MBNL3: variants seen among roughly 807,000 people sequenced by gnomAD.
MBNL3 encodes the protein muscleblind like splicing regulator 3, also known as muscleblind-like protein 3.
A neutral mutation model predicts 24.5 loss-of-function variants in MBNL3; 6 were observed. That is an observed-to-expected ratio of 0.25 (90% confidence interval 0.13 to 0.48). MBNL3 has a LOEUF of 0.48. MBNL3 is among the 20% of genes least tolerant of loss of function. The probability of loss-of-function intolerance (pLI) is 0.99; values close to 1 mark genes in which losing one functional copy is unlikely to be tolerated. For synonymous variants in MBNL3, 100 were observed against 101.7 expected (o/e 0.98, Z 0.10); for missense variants, 230 against 293.5 (o/e 0.78, Z 1.58).
intron 2 of MBNL3, among the ~76,000 whole-genome samples, chrX:132,407,891 CT>C (rs1323726296): frequency 1.8e-5 from 2 of 109,505 alleles, no homozygotes; most frequent in Non-Finnish European, 3.8e-5. Flanking sequence ...CTAGTTTATA[CT>C]TCTACTTCAG....
chrX:132,413,393 A>G, intron 2 of MBNL3: 1 of 817,053 alleles, frequency 1.2e-6, no homozygotes, highest in Admixed American at 3.0e-5. Context: ...ACAATATGTT[A>G]TCTGGCAGCC....
upstream of MBNL3, chrX:132,489,770 C>T (rs1336793291): frequency 4.6e-5 from 5 of 109,370 alleles, no homozygotes; most frequent in Non-Finnish European, 9.6e-5. Flanking sequence ...CCGCCCGGCC[C>T]CGCCCCGCCC....
intron 7 of MBNL3, among the ~76,000 whole-genome samples, chrX:132,383,364 G>A (rs908453935): frequency 1.8e-5 from 2 of 111,867 alleles, no homozygotes; most frequent in African/African-American, 6.5e-5. Context: ...TGTCTCATAT[G>A]CCAATTCTAA....
intron 3 of MBNL3, among the ~76,000 whole-genome samples, chrX:132,403,025 A>G (rs768178373): frequency 1.5e-4 from 17 of 112,087 alleles, no homozygotes; most frequent in African/African-American, 5.5e-4. Context: ...TTCTTAAACA[A>G]AAGTATGACT....
intron 1 of MBNL3, among the ~76,000 whole-genome samples, chrX:132,452,421 G>A (rs755212103): frequency 2.7e-5 from 3 of 111,843 alleles, no homozygotes; most frequent in Admixed American, 9.4e-5. Context: ...TTTAATATAC[G>A]TGGGGTGATT....
In MBNL3 at chrX:132,390,908, T is replaced by G; in HGVS notation, c.710A>C (p.His237Pro). The part of the protein sequence containing the change: ...EKCKYFHPPA[H>P]LQARLKAAHH... Reference sequence around the variant, plus strand: ...AGCTGCCTTGAGTCTGGCTTGCAAGTGTGCAGGAGGATGAAAGTACTTGCA... The same window carrying G: ...AGCTGCCTTGAGTCTGGCTTGCAAGGGTGCAGGAGGATGAAAGTACTTGCA... The change falls in exon 5 of 9, where the codon CAC becomes CCC. Residue 237 changes from histidine (H) to proline (P), a missense_variant. By Grantham distance (77) the His-to-Pro change is moderately conservative. Transcript: ENST00000370853. 8.3e-7 allele frequency: 1 copy of G among 1,211,607 alleles called. No homozygotes were observed. The highest frequency in any genetic ancestry group is 1.1e-6 in the Non-Finnish European group (1 of 895,445).
At chrX:132,456,214 A>C (rs745619615) in intron 1 of MBNL3, among the ~76,000 whole-genome samples, 1 of 112,024 alleles carries the variant, frequency 8.9e-6, no homozygotes, top group African/African-American at 3.2e-5. Flanking sequence ...TTCTCCTGTT[A>C]TCCTCTGGTC....
chrX:132,473,806 G>T (rs1249370541), intron 1 of MBNL3, among the ~76,000 whole-genome samples: 1 of 111,148 alleles, frequency 9.0e-6, no homozygotes, highest in Non-Finnish European at 1.9e-5. Context: ...TGAAAACGCT[G>T]GTTTAGATCA....
At chrX:132,473,360 T>C (rs1297471434) in intron 1 of MBNL3, among the ~76,000 whole-genome samples, 2 of 111,850 alleles carry the variant, frequency 1.8e-5, no homozygotes, top group East Asian at 5.6e-4. Flanking sequence ...AACAAAAAAT[T>C]AAAAGCAAAA....
At chrX:132,386,548 A>G in intron 6 of MBNL3, 113 bp downstream of exon 6, 1 of 842,864 alleles carries the variant, frequency 1.2e-6, no homozygotes, top group Non-Finnish European at 1.6e-6. Context: ...TTTTATTTTT[A>G]ATCAAAATAC....
In MBNL3 at chrX:132,392,297, G is replaced by A; in HGVS notation, c.380C>T (p.Pro127Leu). The A allele has an allele frequency of 8.3e-7, 1 of 1,205,781 alleles. No homozygotes were observed. Among genetic ancestry groups the A allele is most frequent in the Non-Finnish European group, 1.1e-6 (1 of 892,986 alleles). Reference sequence around the variant, plus strand: ...TATGTAAGGATTGAAAGCCATGGGAGGATTAGCTGGAATTGATGGAGTCAT... The same window carrying A: ...TATGTAAGGATTGAAAGCCATGGGAAGATTAGCTGGAATTGATGGAGTCAT... ...FPMTPSIPANPPMAFNPYIPH... is the reference protein window; with the variant it reads ...FPMTPSIPANLPMAFNPYIPH... The change falls in exon 4 of 9, where the codon CCT becomes CTT. Residue 127 changes from proline to leucine, a missense_variant. Pro to Leu is a moderately conservative substitution (Grantham distance 98). Transcript: ENST00000370853.
chrX:132,412,589 A>G (rs1230410119), intron 2 of MBNL3, among the ~76,000 whole-genome samples: 2 of 112,415 alleles, frequency 1.8e-5, no homozygotes, highest in Admixed American at 1.9e-4. Flanking sequence ...TCAAATGATC[A>G]TGAGCTTGAT....
At chrX:132,484,931 G>A (rs998269077) in intron 1 of MBNL3, among the ~76,000 whole-genome samples, 2 of 102,728 alleles carry the variant, frequency 1.9e-5, no homozygotes, top group Non-Finnish European at 3.9e-5. Context: ...GAATACACAC[G>A]CGCACACACA....
Position 132,375,482 on chromosome X carries a change from A to C in MBNL3, c.*4184T>G, listed in dbSNP as rs1040320984. 9.0e-6 allele frequency: 1 copy of C among 111,412 alleles called. No homozygotes were observed. The highest frequency in any genetic ancestry group is 3.3e-5 in the African/African-American group (1 of 30,679). The allele number at this position is 111,412 out of a possible 1,213,427, so 9.2% of individuals were successfully genotyped here. A position where few individuals can be genotyped will look rare whatever the true frequency, so the allele number is the denominator to read the frequency against. On this transcript the variant is annotated 3_prime_UTR_variant, in exon 9 of 9. Transcript: ENST00000370853. ...TACTTAGAGCTACAAAAAAGCAATA[A>C]AATGAAACCTTAAAGATGAACAATA... is the stretch of plus-strand genomic sequence containing the variant.
chrX:132,426,988 A>C (rs1006192853), intron 2 of MBNL3, among the ~76,000 whole-genome samples: 4 of 111,891 alleles, frequency 3.6e-5, no homozygotes, highest in African/African-American at 1.3e-4. Context: ...TCCTTCTAGG[A>C]AACCACAACC....
intron 1 of MBNL3, among the ~76,000 whole-genome samples, chrX:132,472,778 G>C (rs1947247203): frequency 8.9e-6 from 1 of 111,984 alleles, no homozygotes. Flanking sequence ...TGTAAAACTT[G>C]TTAAAAATAC....
chrX:132,386,908 C>T lies in MBNL3; in HGVS notation c.772-97G>A, dbSNP rs1365366337. 3.5e-5 allele frequency: 35 copies of T among 991,273 alleles called. No individual in the cohort carries two copies. The East Asian group carries it at 4.0e-4, about 11-fold the overall frequency. The allele number at this position is 991,273 out of a possible 1,213,427, so 81.7% of individuals were successfully genotyped here. On this transcript the variant is annotated intron_variant, in intron 5 of 8. Transcript: ENST00000370853. Reference sequence around the variant, plus strand: ...TATAAGGTATTTCCTGGGAATCCTCCGTAAGGGTATGCATTGGGCAAGACA... The same window carrying T: ...TATAAGGTATTTCCTGGGAATCCTCTGTAAGGGTATGCATTGGGCAAGACA...
At position 132,384,688 on chromosome X, in the gene MBNL3, C is replaced by T; in HGVS notation, c.933G>A (p.Leu311=). The change falls in exon 7 of 9, where the codon CTG becomes CTA. Residue 311 remains leucine (L), a synonymous_variant. Coordinates refer to ENST00000370853, the MANE Select transcript of MBNL3 (RefSeq NM_001386889.1). ...QPAFIPAGPI[L]CMAPASNIVP... ...CAATATTTGAAGCGGGTGCCATGCACAGTATTGGCCCTGTACACCACGCAG... is the reference window on the plus strand; with the variant it reads ...CAATATTTGAAGCGGGTGCCATGCATAGTATTGGCCCTGTACACCACGCAG... The T allele has an allele frequency of 8.4e-7, 1 of 1,193,660 alleles. No homozygotes were observed. The highest frequency in any genetic ancestry group is 1.1e-6 in the Non-Finnish European group (1 of 885,224).
At chrX:132,473,998 G>A (rs927006759) in intron 1 of MBNL3, among the ~76,000 whole-genome samples, 2 of 111,492 alleles carry the variant, frequency 1.8e-5, no homozygotes, top group Non-Finnish European at 3.8e-5. Context: ...AGAAGGTAGA[G>A]ATATTTTCTA....
Sources: gnomAD v4.1 joint callset for allele counts (sites outside exome capture counted in the v4.1 genomes callset) on GRCh38, gnomAD v4.1.1 for gene constraint, MANE v1.5 for transcripts, NCBI Gene and HGNC (gene_info 2026-07-23, HGNC 2026-07-21) for gene names.